Variants in SNTB1 observed in about 807,000 individuals in gnomAD.
The protein encoded by SNTB1 is beta-1-syntrophin.
A neutral mutation model predicts 48.9 loss-of-function variants in SNTB1; 36 were observed. The observed-to-expected ratio is 0.74, with a 90% CI of 0.56 to 0.97. SNTB1 has a LOEUF of 0.97. Ranked by LOEUF, SNTB1 falls within the 50% of genes least tolerant of loss-of-function variation. The probability of loss-of-function intolerance (pLI) is 0.00; values close to 1 mark genes in which losing one functional copy is unlikely to be tolerated. For synonymous variants in SNTB1, 299 were observed against 294.6 expected (o/e 1.01, Z -0.15); for missense variants, 786 against 703.4 (o/e 1.12, Z -1.33).
At chr8:120,731,624 G>C (rs1013545246) in intron 1 of SNTB1, among the ~76,000 whole-genome samples, 1 of 152,182 alleles carries the variant, frequency 6.6e-6, no homozygotes, top group African/African-American at 2.4e-5. Context: ...AAACATCTTG[G>C]TGATCATGCA....
chr8:120,724,080 G>A (rs965925837), intron 1 of SNTB1, among the ~76,000 whole-genome samples: 5 of 152,184 alleles, frequency 3.3e-5, no homozygotes, highest in East Asian at 1.9e-4. Flanking sequence ...AGATCTTTTC[G>A]GTCTCTGAAG....
chr8:120,731,362 C>T (rs766459907), intron 1 of SNTB1, among the ~76,000 whole-genome samples: 1 of 152,068 alleles, frequency 6.6e-6, no homozygotes, highest in Admixed American at 6.5e-5. Context: ...AGGAAACACA[C>T]GTGTTCTGTA....
chr8:120,550,423 T>A (rs555585396), intron 4 of SNTB1, among the ~76,000 whole-genome samples: 1 of 151,794 alleles, frequency 6.6e-6, no homozygotes, highest in African/African-American at 2.4e-5. Flanking sequence ...GCACCTGTAG[T>A]CCCAGCTACT....
chr8:120,554,424 A>G (rs1586991777), intron 4 of SNTB1, among the ~76,000 whole-genome samples: 1 of 152,140 alleles, frequency 6.6e-6, no homozygotes, highest in East Asian at 1.9e-4. Flanking sequence ...AATCATCCAG[A>G]CGTAGGACAA....
chr8:120,703,086 T>C (rs1818331634), intron 1 of SNTB1, among the ~76,000 whole-genome samples: 1 of 152,166 alleles, frequency 6.6e-6, no homozygotes, highest in Non-Finnish European at 1.5e-5. Flanking sequence ...TGTGAGCAAA[T>C]GAACAACAAA....
At chr8:120,663,019 G>T (rs1288773728) in intron 2 of SNTB1, among the ~76,000 whole-genome samples, 3 of 88,600 alleles carry the variant, frequency 3.4e-5, no homozygotes, top group Non-Finnish European at 7.1e-5. Flanking sequence ...GGGTGGGGGG[G>T]CTGGTGGGGG....
intron 1 of SNTB1, among the ~76,000 whole-genome samples, chr8:120,788,226 G>A (rs1819960172): frequency 1.3e-5 from 2 of 152,074 alleles, no homozygotes; most frequent in South Asian, 4.1e-4. Flanking sequence ...ATACTAAAAG[G>A]AGTTCTAAAT....
intron 4 of SNTB1, among the ~76,000 whole-genome samples, chr8:120,562,756 A>G (rs528089562): frequency 2.0e-5 from 3 of 152,292 alleles, no homozygotes; most frequent in Admixed American, 2.0e-4. Context: ...TGAGGCAGCT[A>G]CTACTTTTAG....
chr8:120,632,731 T>G lies in SNTB1; in HGVS notation c.789-80A>C. The G allele has an allele frequency of 5.0e-6, 6 of 1,192,300 alleles. No homozygotes were observed. In the South Asian group the frequency reaches 7.8e-5, roughly 16 times the overall value. The allele number at this position is 1,192,300 out of a possible 1,614,324, so 73.9% of individuals were successfully genotyped here. A position where few individuals can be genotyped will look rare whatever the true frequency, so the allele number is the denominator to read the frequency against. On this transcript the variant is annotated intron_variant, in intron 2 of 6. Coordinates refer to ENST00000517992, the MANE Select transcript of SNTB1 (RefSeq NM_021021.4). ...CAAGATCTGGGTCACAAAGGTGAAT[T>G]AATTCTTTACTCCTTCTTTTAGACT...
At chr8:120,640,364 C>T (rs1817169239) in intron 2 of SNTB1, among the ~76,000 whole-genome samples, 1 of 152,170 alleles carries the variant, frequency 6.6e-6, no homozygotes, top group Admixed American at 6.6e-5. Flanking sequence ...ATTGAATACC[C>T]TTTATTTCTT....
chr8:120,609,463 C>T (rs545206860), intron 3 of SNTB1, among the ~76,000 whole-genome samples: 4 of 152,264 alleles, frequency 2.6e-5, no homozygotes, highest in African/African-American at 4.8e-5. Flanking sequence ...CAGGACACCC[C>T]GAGCCATCAG....
At chr8:120,805,573 C>T (rs1310500765) in intron 1 of SNTB1, among the ~76,000 whole-genome samples, 2 of 151,806 alleles carry the variant, frequency 1.3e-5, no homozygotes, top group Non-Finnish European at 2.9e-5. Flanking sequence ...AAAAAAGGTT[C>T]TCCCCTAGAC....
chr8:120,703,552 A>G (rs1034729829), intron 1 of SNTB1, among the ~76,000 whole-genome samples: 2 of 152,256 alleles, frequency 1.3e-5, no homozygotes, highest in Non-Finnish European at 2.9e-5. Context: ...GATGAGGGTC[A>G]GGAACCCTGC....
chr8:120,707,020 G>A (rs1161341048), intron 1 of SNTB1, among the ~76,000 whole-genome samples: 4 of 152,122 alleles, frequency 2.6e-5, no homozygotes, highest in African/African-American at 4.8e-5. Flanking sequence ...AGATGGTGAC[G>A]GGTTCTTTGA....
At chr8:120,793,172 G>T (rs530505418) in intron 1 of SNTB1, among the ~76,000 whole-genome samples, 40 of 152,110 alleles carry the variant, frequency 2.6e-4, no homozygotes, top group Non-Finnish European at 5.3e-4. Context: ...GCAATACCTT[G>T]CTGGGTGTGG....
intron 2 of SNTB1, among the ~76,000 whole-genome samples, chr8:120,664,075 T>C (rs138876718): frequency 2.0e-5 from 3 of 152,186 alleles, no homozygotes; most frequent in Non-Finnish European, 4.4e-5. Flanking sequence ...AGGCGGATGG[T>C]ACCAAAATAA....
At chr8:120,572,154 T>C (rs1815865836) in intron 4 of SNTB1, among the ~76,000 whole-genome samples, 1 of 152,218 alleles carries the variant, frequency 6.6e-6, no homozygotes, top group Non-Finnish European at 1.5e-5. Context: ...TGCAGCCAGC[T>C]GACCCTTGAC....
intron 3 of SNTB1, among the ~76,000 whole-genome samples, chr8:120,615,325 C>T (rs891074067): frequency 1.3e-5 from 2 of 152,132 alleles, no homozygotes; most frequent in South Asian, 2.1e-4. Flanking sequence ...ATCAACATGA[C>T]GGATCCAACA....
intron 1 of SNTB1, among the ~76,000 whole-genome samples, chr8:120,713,370 C>T (rs73706732): frequency 0.024 from 3,666 of 152,248 alleles, 140 homozygotes; most frequent in African/African-American, 0.083. Flanking sequence ...TTTTCAGTCA[C>T]CCCCACCCCG....
Sources: gnomAD v4.1 joint callset for allele counts (sites outside exome capture counted in the v4.1 genomes callset) on GRCh38, gnomAD v4.1.1 for gene constraint, MANE v1.5 for transcripts, NCBI Gene and HGNC (gene_info 2026-07-23, HGNC 2026-07-21) for gene names.